Variants in ST3GAL3 observed in about 807,000 individuals in gnomAD.
The protein encoded by ST3GAL3 is CMP-N-acetylneuraminate-beta-1,4-galactoside alpha-2,3-sialyltransferase.
Under a neutral mutation model 50.1 loss-of-function variants are expected in ST3GAL3, and 21 were observed. The observed-to-expected ratio is 0.42, with a 90% CI of 0.30 to 0.60. ST3GAL3 has a LOEUF of 0.60. Ranked by LOEUF, ST3GAL3 falls within the 20% of genes least tolerant of loss-of-function variation. The probability of loss-of-function intolerance (pLI) is 0.19; values close to 1 mark genes in which losing one functional copy is unlikely to be tolerated. For synonymous variants in ST3GAL3, 183 were observed against 190.0 expected (o/e 0.96, Z 0.30); for missense variants, 353 against 489.4 (o/e 0.72, Z 2.63).
chr1:43,868,228 A>G (rs2071803308), intron 5 of ST3GAL3, among the ~76,000 whole-genome samples: 1 of 151,908 alleles, frequency 6.6e-6, no homozygotes, highest in Non-Finnish European at 1.5e-5. Context: ...AGTTTATTGT[A>G]AATTTGTTAA....
intron 3 of ST3GAL3, among the ~76,000 whole-genome samples, chr1:43,809,547 A>G (rs1163778593): frequency 6.6e-6 from 1 of 151,996 alleles, no homozygotes; most frequent in East Asian, 1.9e-4. Flanking sequence ...AAGTTTAAAA[A>G]TTAGCTAAAT....
chr1:43,727,569 A>T (rs1673546015), intron 1 of ST3GAL3, among the ~76,000 whole-genome samples: 2 of 152,162 alleles, frequency 1.3e-5, no homozygotes, highest in Non-Finnish European at 2.9e-5. Flanking sequence ...TAAAAAGTGA[A>T]AGTGGATGGC....
chr1:43,861,917 A>G (rs1047684970), intron 5 of ST3GAL3, among the ~76,000 whole-genome samples: 2 of 152,052 alleles, frequency 1.3e-5, no homozygotes, highest in Non-Finnish European at 2.9e-5. Flanking sequence ...AATCCCAGCT[A>G]CTTGGGAGGC....
chr1:43,817,425 T>C (rs66858222), intron 4 of ST3GAL3, among the ~76,000 whole-genome samples: 858 of 4,448 alleles, frequency 0.19, 10 homozygotes, highest in African/African-American at 0.41. Context: ...TCCTTCTCCT[T>C]CTTCTCCTTC....
intron 9 of ST3GAL3, among the ~76,000 whole-genome samples, chr1:43,910,081 A>G (rs567113589): frequency 6.6e-6 from 1 of 152,356 alleles, no homozygotes; most frequent in Non-Finnish European, 1.5e-5. Flanking sequence ...TGGTACCGAG[A>G]GCCATCACCC....
At chr1:43,732,102 C>G (rs1260423362) in intron 1 of ST3GAL3, among the ~76,000 whole-genome samples, 1 of 152,202 alleles carries the variant, frequency 6.6e-6, no homozygotes, top group Non-Finnish European at 1.5e-5. Flanking sequence ...AGACACACTT[C>G]CCTGTTAGTA....
chr1:43,823,877 A>C (rs1398182765), intron 4 of ST3GAL3, among the ~76,000 whole-genome samples: 1 of 152,246 alleles, frequency 6.6e-6, no homozygotes, highest in African/African-American at 2.4e-5. Context: ...CACAGAACTA[A>C]ATGTGATCAA....
At chr1:43,893,201 G>A (rs2076901951) in intron 5 of ST3GAL3, among the ~76,000 whole-genome samples, 1 of 152,254 alleles carries the variant, frequency 6.6e-6, no homozygotes, top group Non-Finnish European at 1.5e-5. Context: ...TGATAGGGAT[G>A]AGAAATCCAT....
chr1:43,734,278 CTCTTTCT>C (rs1677244834), intron 1 of ST3GAL3, among the ~76,000 whole-genome samples: 2 of 139,698 alleles, frequency 1.4e-5, no homozygotes, highest in Non-Finnish European at 3.1e-5. Flanking sequence ...TTTCTTTCTT[CTCTTTCT>C]TTCTTCTTCT....
chr1:43,815,096 G>T, intron 4 of ST3GAL3, 163 bp downstream of exon 4: 1 of 766,218 alleles, frequency 1.3e-6, no homozygotes, highest in South Asian at 1.5e-5. Context: ...GTTACAGTCT[G>T]CAGCGGCCAG....
rs1452520333 is a variant in ST3GAL3, at chr1:43,707,594, G to C, written c.-130G>C. ...CCAGCGCGTTGTGGGCTCCCGCCGGGGTCCCCCGCGGCTGTCGCCGCCGCC... is the reference window on the plus strand; with the variant it reads ...CCAGCGCGTTGTGGGCTCCCGCCGGCGTCCCCCGCGGCTGTCGCCGCCGCC... On this transcript the variant is annotated 5_prime_UTR_variant, in exon 1 of 12. Coordinates refer to ENST00000347631, the MANE Select transcript of ST3GAL3 (RefSeq NM_006279.5). 6.6e-6 allele frequency: 1 copy of C among 151,934 alleles called. No individual in the cohort carries two copies. Among genetic ancestry groups the C allele is most frequent in the African/African-American group, 2.4e-5 (1 of 41,386 alleles). The allele number at this position is 151,934 out of a possible 1,614,324, so 9.4% of individuals were successfully genotyped here.
intron 3 of ST3GAL3, among the ~76,000 whole-genome samples, chr1:43,805,608 G>T (rs1191147532): frequency 3.9e-5 from 6 of 152,220 alleles, no homozygotes; most frequent in Non-Finnish European, 8.8e-5. Flanking sequence ...AGTCTTAGTG[G>T]AACTTCTAGA....
intron 4 of ST3GAL3, among the ~76,000 whole-genome samples, chr1:43,831,976 T>C (rs2063609988): frequency 6.6e-6 from 1 of 152,234 alleles, no homozygotes; most frequent in Non-Finnish European, 1.5e-5. Context: ...ATCCGCTGTC[T>C]GGTGCCTGGT....
At chr1:43,720,393 AG>A (rs1158024653) in intron 1 of ST3GAL3, 1 of 152,254 alleles carries the variant, frequency 6.6e-6, no homozygotes, top group African/African-American at 2.4e-5. Context: ...ATGTCATTCT[AG>A]GTGTCCTAGT....
intron 4 of ST3GAL3, among the ~76,000 whole-genome samples, chr1:43,837,777 C>T (rs1442193738): frequency 6.6e-6 from 1 of 152,170 alleles, no homozygotes; most frequent in Non-Finnish European, 1.5e-5. Flanking sequence ...TTAAGACCTG[C>T]CTGGGCAACA....
chr1:43,799,984 T>C (rs3791055), intron 3 of ST3GAL3, among the ~76,000 whole-genome samples: 137,707 of 152,206 alleles, frequency 0.9, 62,541 homozygotes, highest in African/African-American at 0.97. Context: ...GCAGTGACAT[T>C]TTTGGCTGCT....
At chr1:43,911,663 A>G (rs2080933184) in intron 9 of ST3GAL3, among the ~76,000 whole-genome samples, 1 of 146,256 alleles carries the variant, frequency 6.8e-6, no homozygotes, top group African/African-American at 2.7e-5. Flanking sequence ...GTAGCTATAG[A>G]TATCTATAGA....
At chr1:43,770,799 C>G (rs1694859599) in intron 2 of ST3GAL3, among the ~76,000 whole-genome samples, 1 of 152,218 alleles carries the variant, frequency 6.6e-6, no homozygotes. Flanking sequence ...GCAAACATTT[C>G]TGAATTCCTG....
chr1:43,838,216 T>G lies in ST3GAL3; in HGVS notation c.210-3T>G. ...AGCTGTAACTTTCCTTCTCTTCCCA[T>G]AGGCCTGCTGAATTAGCCACCAAGT... On this transcript the variant is annotated splice_polypyrimidine_tract_variant and splice_region_variant and intron_variant, in intron 4 of 11. Transcript: ENST00000347631. 1 of 1,598,406 alleles carries G rather than the reference T, an allele frequency of 6.3e-7. No homozygotes were observed.
Sources: allele counts gnomAD v4.1 joint callset (sites outside exome capture counted in the v4.1 genomes callset), GRCh38; gene constraint gnomAD v4.1.1; transcripts MANE v1.5; gene names NCBI Gene and HGNC (gene_info 2026-07-23, HGNC 2026-07-21).